The following IL12RB1 variants were observed in gnomAD, a reference collection of about 807,000 sequenced individuals.
IL12RB1 encodes interleukin 12 receptor subunit beta 1.
IL12RB1 carries 64 observed loss-of-function variants against 94.4 expected under a neutral mutation model. That is an observed-to-expected ratio of 0.68 (90% CI 0.55 to 0.83). The LOEUF (loss-of-function observed/expected upper bound fraction) is 0.83, where lower values mean the gene tolerates loss of function less well. Among genes scored for constraint, IL12RB1 ranks in the 40% least tolerant of loss-of-function variants. The probability of loss-of-function intolerance (pLI) is 0.00; values close to 1 mark genes in which losing one functional copy is unlikely to be tolerated. For missense variants in IL12RB1, 814 were observed against 855.6 expected, an observed-to-expected ratio of 0.95 and a Z score of 0.61; for synonymous variants, 362 against 355.5, an observed-to-expected ratio of 1.02 and a Z score of -0.21.
At chr19:18,075,963 G>T (rs2035444248) in intron 6 of IL12RB1, 95 bp from the exon 7 acceptor site, 2 of 1,253,210 alleles carry the variant, frequency 1.6e-6, no homozygotes, top group Non-Finnish European at 2.3e-6. Flanking sequence ...CTCCAACTGT[G>T]TACAGAGCCA....
chr19:18,062,303 A>AG, intron 13 of IL12RB1, 26 bp from the exon 14 acceptor site: 1 of 1,452,206 alleles, frequency 6.9e-7, no homozygotes, highest in Non-Finnish European at 9.6e-7. Context: ...GTGGGTTGGC[A>AG]GAGGGCTACC....
At chr19:18,069,517 G>A in intron 10 of IL12RB1, 29 bp downstream of exon 10, 1 of 1,578,104 alleles carries the variant, frequency 6.3e-7, no homozygotes, top group Non-Finnish European at 8.6e-7. Context: ...ACAGAGGAGG[G>A]GTAGGCGCAG....
intron 9 of IL12RB1, chr19:18,071,229 G>T (rs1053849835): frequency 4.8e-6 from 2 of 412,946 alleles, no homozygotes; most frequent in Admixed American, 3.3e-5. Context: ...AAAATTAGCC[G>T]GGTATGGTGG....
In IL12RB1 at chr19:18,077,555, C is replaced by A; in HGVS notation, c.510G>T (p.Val170=). The change falls in exon 5 of 17, where the codon GTG becomes GTT. Residue 170 remains valine, a synonymous_variant. Coordinates refer to ENST00000593993, the MANE Select transcript of IL12RB1 (RefSeq NM_005535.3). The part of the protein sequence containing the change: ...ETPDNQVGAE[V]QFRHRTPSSP... ...TGCTGGGTGTCCGGTGCCGGAACTGCACCTCAGCACCAACCTGGTTATCCG... is the reference window on the plus strand; with the variant it reads ...TGCTGGGTGTCCGGTGCCGGAACTGAACCTCAGCACCAACCTGGTTATCCG... 6.2e-7 allele frequency: 1 copy of A among 1,612,480 alleles called. No homozygotes were observed. Among genetic ancestry groups the A allele is most frequent in the Non-Finnish European group, 8.5e-7 (1 of 1,178,896 alleles).
rs771482026 is a variant in IL12RB1, at chr19:18,081,014, G to A, written c.240-13C>T. ...CCCGGAGCTAAGGCTGCAGCAGGAA[G>A]GAGGGTGTCAGTGCCGAGTCTGGGG... On this transcript the variant is annotated splice_polypyrimidine_tract_variant and intron_variant, in intron 3 of 16. Coordinates refer to ENST00000593993, the MANE Select transcript of IL12RB1 (RefSeq NM_005535.3). The A allele has an allele frequency of 6.2e-6, 10 of 1,608,968 alleles. No individual in the cohort carries two copies. Among genetic ancestry groups the A allele is most frequent in the Non-Finnish European group, 6.8e-6 (8 of 1,179,600 alleles).
At chr19:18,063,502 AC>A (rs1290240906) in intron 13 of IL12RB1, among the ~76,000 whole-genome samples, 1 of 151,988 alleles carries the variant, frequency 6.6e-6, no homozygotes, top group Non-Finnish European at 1.5e-5. Context: ...TGACACATCT[AC>A]CCCAACCCCG....
intron 1 of IL12RB1, among the ~76,000 whole-genome samples, chr19:18,093,102 T>A (rs1210120068): frequency 1.3e-5 from 2 of 151,578 alleles, no homozygotes; most frequent in Non-Finnish European, 2.9e-5. Context: ...GTCAGGAGTT[T>A]GAGACCAGCC....
chr19:18,092,073 C>T (rs1466143758), intron 1 of IL12RB1, among the ~76,000 whole-genome samples: 1 of 151,168 alleles, frequency 6.6e-6, no homozygotes, highest in African/African-American at 2.4e-5. Context: ...GATGGGGTTT[C>T]ACCATGTTGT....
intron 5 of IL12RB1, among the ~76,000 whole-genome samples, chr19:18,076,593 G>A (rs533041460): frequency 1.3e-5 from 2 of 152,046 alleles, no homozygotes; most frequent in African/African-American, 4.8e-5. Flanking sequence ...TGGTAGAGAC[G>A]GGATTTCACC....
At chr19:18,071,885 G>A (rs764904628) in intron 9 of IL12RB1, among the ~76,000 whole-genome samples, 25 of 152,150 alleles carry the variant, frequency 1.6e-4, no homozygotes, top group South Asian at 2.1e-4. Context: ...GACTGGTCTC[G>A]AACTGCTGAC....
chr19:18,082,415 C>T (rs1371683626), intron 2 of IL12RB1, 151 bp from the exon 3 acceptor site: 5 of 677,990 alleles, frequency 7.4e-6, no homozygotes, highest in African/African-American at 1.8e-5. Context: ...CCGTCTCTCA[C>T]CTCAACCTAT....
chr19:18,092,684 A>G (rs2036687707), intron 1 of IL12RB1, among the ~76,000 whole-genome samples: 1 of 151,140 alleles, frequency 6.6e-6, no homozygotes, highest in South Asian at 2.1e-4. Flanking sequence ...AAAAAAAAAA[A>G]AAAGAAATGT....
chr19:18,062,104 G>C, intron 14 of IL12RB1, 77 bp downstream of exon 14: 1 of 967,738 alleles, frequency 1.0e-6, no homozygotes, highest in Middle Eastern at 2.1e-4. Flanking sequence ...CCCAATCTGC[G>C]GGCTAAGCTC....
intron 4 of IL12RB1, among the ~76,000 whole-genome samples, chr19:18,080,114 G>GACTT (rs2035788009): frequency 1.3e-5 from 2 of 150,652 alleles, no homozygotes; most frequent in Non-Finnish European, 1.5e-5. Context: ...GGAATGCAGT[G>GACTT]ACTTGATCTT....
At chr19:18,094,065 A>T (rs2036768295) in intron 1 of IL12RB1, among the ~76,000 whole-genome samples, 1 of 152,206 alleles carries the variant, frequency 6.6e-6, no homozygotes, top group Non-Finnish European at 1.5e-5. Flanking sequence ...AATAACATTT[A>T]AATTAAATTC....
intron 1 of IL12RB1, among the ~76,000 whole-genome samples, chr19:18,093,361 C>CGTGT (rs67190458): frequency 1.7e-4 from 25 of 146,958 alleles, no homozygotes; most frequent in African/African-American, 4.3e-4. Flanking sequence ...TGTGTGTGTG[C>CGTGT]GTGTGTGTGT....
chr19:18,079,134 C>A (rs181606928), intron 4 of IL12RB1, among the ~76,000 whole-genome samples: 7 of 145,660 alleles, frequency 4.8e-5, no homozygotes, highest in Non-Finnish European at 1.0e-4. Context: ...GATGGAGTCT[C>A]GCTCTGTCAC....
At chr19:18,066,500 C>A in intron 12 of IL12RB1, 42 bp downstream of exon 12, 1 of 1,424,198 alleles carries the variant, frequency 7.0e-7, no homozygotes, top group Non-Finnish European at 9.9e-7. Context: ...AGGCCAGGAT[C>A]CTCCCTTCCT....
At position 18,059,840 on chromosome 19, in the gene IL12RB1, C is replaced by A. The variant is rs1024323957; in HGVS notation, c.1983+54G>T. The A allele has an allele frequency of 3.4e-5, 36 of 1,053,606 alleles. No individual in the cohort carries two copies. In the East Asian group the frequency reaches 7.7e-4, roughly 23 times the overall value. 65.3% of individuals were successfully genotyped at this position (1,053,606 alleles called of 1,614,324 possible). A position where few individuals can be genotyped will look rare whatever the true frequency, so the allele number is the denominator to read the frequency against. On this transcript the variant is annotated intron_variant, in intron 16 of 16. Transcript: ENST00000593993. ...AGGAGCGATGGATGTCTAGCCCCCC[C>A]ACCCCCCGGGCAGGGTTGCACCCCT...
Sources: gnomAD v4.1 joint callset for allele counts (sites outside exome capture counted in the v4.1 genomes callset) on GRCh38, gnomAD v4.1.1 for gene constraint, MANE v1.5 for transcripts, NCBI Gene and HGNC (gene_info 2026-07-23, HGNC 2026-07-21) for gene names.